Variants in PHF21A observed in about 807,000 individuals in gnomAD.
PHF21A encodes the protein BHC80a.
Under a neutral mutation model 82.5 loss-of-function variants are expected in PHF21A, and 11 were observed. The ratio of observed to expected loss-of-function variants is 0.13; its 90% confidence interval spans 0.08 to 0.22. The LOEUF (loss-of-function observed/expected upper bound fraction) is 0.22. Ranked by LOEUF, PHF21A falls within the 10% of genes least tolerant of loss-of-function variation. PHF21A has a pLI of 1.00. For synonymous variants in PHF21A, 297 were observed against 302.8 expected (o/e 0.98, Z 0.20); for missense variants, 579 against 837.8 (o/e 0.69, Z 3.81).
chr11:46,086,015 T>A (rs2096852404), intron 3 of PHF21A, among the ~76,000 whole-genome samples: 1 of 152,116 alleles, frequency 6.6e-6, no homozygotes, highest in Non-Finnish European at 1.5e-5. Flanking sequence ...TGTATAATGA[T>A]AATGTTAAAC....
At chr11:46,092,660 T>C (rs1429941496) in intron 1 of PHF21A, among the ~76,000 whole-genome samples, 3 of 152,200 alleles carry the variant, frequency 2.0e-5, no homozygotes, top group Non-Finnish European at 4.4e-5. Context: ...TCTTGAAATG[T>C]ATTTGCCTTA....
At chr11:46,005,946 A>T (rs575928379) in intron 6 of PHF21A, among the ~76,000 whole-genome samples, 18 of 152,316 alleles carry the variant, frequency 1.2e-4, no homozygotes, top group African/African-American at 4.1e-4. Flanking sequence ...AAAATAAAAC[A>T]TACAATTTTA....
At chr11:45,960,740 A>C (rs890667699) in intron 10 of PHF21A, among the ~76,000 whole-genome samples, 3 of 152,228 alleles carry the variant, frequency 2.0e-5, no homozygotes, top group African/African-American at 7.2e-5. Context: ...GAATTCATGG[A>C]TATCCCTTCG....
At chr11:45,997,338 T>A (rs1024788826) in intron 6 of PHF21A, among the ~76,000 whole-genome samples, 1 of 152,174 alleles carries the variant, frequency 6.6e-6, no homozygotes, top group Admixed American at 6.5e-5. Flanking sequence ...AACCCAAATA[T>A]CAGAAGTGTA....
intron 7 of PHF21A, among the ~76,000 whole-genome samples, chr11:45,978,869 C>T (rs769934758): frequency 4.6e-5 from 7 of 152,078 alleles, no homozygotes; most frequent in Admixed American, 6.6e-5. Context: ...ACAGCTACAC[C>T]AAGTTAGAAT....
intron 6 of PHF21A, among the ~76,000 whole-genome samples, chr11:46,041,286 A>C (rs1383783364): frequency 6.6e-6 from 1 of 152,160 alleles, no homozygotes; most frequent in East Asian, 1.9e-4. Context: ...AAAAGTAAGG[A>C]GGGTGGAAAA....
chr11:46,010,337 T>G (rs887554211), intron 6 of PHF21A, among the ~76,000 whole-genome samples: 42 of 152,206 alleles, frequency 2.8e-4, no homozygotes, highest in African/African-American at 1.0e-3. Context: ...CAAAGGCTTT[T>G]CTCTTAAATA....
chr11:46,061,310 A>G (rs771186046), intron 6 of PHF21A, among the ~76,000 whole-genome samples: 5 of 152,172 alleles, frequency 3.3e-5, no homozygotes, highest in Admixed American at 1.3e-4. Flanking sequence ...TTGATCCCAT[A>G]TGAATCTTAA....
At chr11:45,980,940 TTAA>T (rs1341349027) in intron 6 of PHF21A, among the ~76,000 whole-genome samples, 1 of 152,102 alleles carries the variant, frequency 6.6e-6, no homozygotes, top group Non-Finnish European at 1.5e-5. Flanking sequence ...GAGTGAAAAA[TTAA>T]TGTCAAAGTT....
chr11:45,981,221 G>A (rs1464644766), intron 6 of PHF21A, among the ~76,000 whole-genome samples: 5 of 151,244 alleles, frequency 3.3e-5, no homozygotes, highest in African/African-American at 7.3e-5. Context: ...CCCCATCTCC[G>A]CTAAAAATAC....
chr11:46,035,278 T>C (rs1352043169), intron 6 of PHF21A, among the ~76,000 whole-genome samples: 2 of 152,240 alleles, frequency 1.3e-5, no homozygotes, highest in African/African-American at 4.8e-5. Flanking sequence ...CATCTTTCTC[T>C]ACTGATCTGA....
intron 1 of PHF21A, among the ~76,000 whole-genome samples, 179 bp from the exon 2 acceptor site, chr11:46,092,402 G>T (rs937845435): frequency 2.0e-5 from 3 of 152,068 alleles, no homozygotes; most frequent in Non-Finnish European, 4.4e-5. Flanking sequence ...TTACAGCAAA[G>T]AAAAGAACTC....
intron 6 of PHF21A, among the ~76,000 whole-genome samples, chr11:46,040,978 C>T (rs1334525726): frequency 6.6e-6 from 1 of 151,590 alleles, no homozygotes; most frequent in African/African-American, 2.4e-5. Flanking sequence ...GTAAGAATTT[C>T]CCAGGTTGGC....
chr11:46,084,206 G>A lies in PHF21A; in HGVS notation c.14C>T (p.Thr5Ile), dbSNP rs1286696511. 1 of 1,601,976 alleles carries A rather than the reference G, an allele frequency of 6.2e-7. No individual in the cohort carries two copies. Among genetic ancestry groups the A allele is most frequent in the East Asian group, 2.3e-5 (1 of 43,792 alleles). ...TTCCACTTTAAGAGCCTCCTGTAGA[G>A]TCTGCAACTCCATCCTCTACCTTCT... MELQ[T>I]LQEALKVEIQ... Residue 5 changes from threonine (T) to isoleucine (I), a missense_variant, in exon 4 of 19, where the codon ACT becomes ATT. Thr to Ile is a moderately conservative substitution (Grantham distance 89). Around this residue, in one of 3 missense-constraint regions of PHF21A, gnomAD observed 12 missense variants for 46.4 expected, o/e 0.26. Coordinates refer to ENST00000676320, the MANE Select transcript of PHF21A (RefSeq NM_001352027.3).
At chr11:46,071,879 G>C (rs1055557635) in intron 6 of PHF21A, among the ~76,000 whole-genome samples, 1 of 152,018 alleles carries the variant, frequency 6.6e-6, no homozygotes, top group African/African-American at 2.4e-5. Flanking sequence ...TCATAAGTTA[G>C]TTTAAAAAGC....
chr11:45,995,707 A>G (rs1388640492), intron 6 of PHF21A, among the ~76,000 whole-genome samples: 3 of 152,218 alleles, frequency 2.0e-5, no homozygotes, highest in African/African-American at 7.2e-5. Flanking sequence ...GAAGACTTTA[A>G]TACTGCAGAC....
At chr11:46,006,535 C>CTA (rs1387777218) in intron 6 of PHF21A, among the ~76,000 whole-genome samples, 1 of 152,068 alleles carries the variant, frequency 6.6e-6, no homozygotes, top group Admixed American at 6.5e-5. Context: ...CATTCACTCT[C>CTA]TAAAGATACT....
chr11:46,065,174 G>GA (rs1322446835), intron 6 of PHF21A, among the ~76,000 whole-genome samples: 1 of 152,052 alleles, frequency 6.6e-6, no homozygotes, highest in East Asian at 1.9e-4. Flanking sequence ...AATGCTCAAG[G>GA]AGAAAATCTC....
intron 4 of PHF21A, among the ~76,000 whole-genome samples, chr11:46,082,116 C>T (rs994508699): frequency 9.2e-5 from 14 of 152,118 alleles, no homozygotes; most frequent in African/African-American, 3.1e-4. Context: ...ATTTACTGAA[C>T]ATCAACTATG....
Sources: gnomAD v4.1 joint callset for allele counts (sites outside exome capture counted in the v4.1 genomes callset) on GRCh38, gnomAD v4.1.1 for gene constraint, gnomAD v4.1.1 regional missense constraint, MANE v1.5 for transcripts, NCBI Gene and HGNC (gene_info 2026-07-23, HGNC 2026-07-21) for gene names.